Variants in LGSN observed in about 807,000 individuals in gnomAD.
LGSN encodes the protein lengsin.
LGSN carries 21 observed loss-of-function variants against 19.5 expected under a neutral mutation model. The ratio of observed to expected loss-of-function variants is 1.07; its 90% CI spans 0.76 to 1.55. LGSN has a LOEUF of 1.55. Ranked by LOEUF, LGSN falls within the 40% of genes most tolerant of loss-of-function variation. LGSN has a pLI of 0.00. For synonymous variants in LGSN, 257 were observed against 215.6 expected (o/e 1.19, Z -1.68); for missense variants, 673 against 608.5 (o/e 1.11, Z -1.12).
chr6:63,332,213 G>A, the LGSN span, among the ~76,000 whole-genome samples: 9 of 152,216 alleles, frequency 5.9e-5, no homozygotes, highest in South Asian at 1.9e-3. Context: ...GCCTAAAGAA[G>A]GTAACAGAGT....
the LGSN span, among the ~76,000 whole-genome samples, chr6:63,477,236 A>G: frequency 6.6e-6 from 1 of 152,246 alleles, no homozygotes; most frequent in Non-Finnish European, 1.5e-5. Context: ...AAGACAGACA[A>G]TAGATTTTGC....
At chr6:63,569,140 T>C in the LGSN span, among the ~76,000 whole-genome samples, 1 of 152,354 alleles carries the variant, frequency 6.6e-6, no homozygotes, top group South Asian at 2.1e-4. Context: ...ATGGAATCAA[T>C]GTTTACTAGA....
At chr6:63,323,631 A>G (rs1769148673), upstream of LGSN, among the ~76,000 whole-genome samples, 1 of 151,598 alleles carries the variant, frequency 6.6e-6, no homozygotes, top group African/African-American at 2.4e-5. Flanking sequence ...ATATTAGCAT[A>G]TTTAAAAATA....
the LGSN span, among the ~76,000 whole-genome samples, chr6:63,459,433 C>CAA: frequency 1.3e-5 from 2 of 151,960 alleles, no homozygotes; most frequent in Admixed American, 6.6e-5. Flanking sequence ...AATTTTCAAT[C>CAA]TATTCATTAT....
At chr6:63,456,373 A>AC in the LGSN span, among the ~76,000 whole-genome samples, 3 of 42,580 alleles carry the variant, frequency 7.0e-5, no homozygotes, top group Non-Finnish European at 1.3e-4. Context: ...ATATATATAT[A>AC]TATATATATA....
chr6:63,562,043 T>C, the LGSN span, among the ~76,000 whole-genome samples: 83 of 152,298 alleles, frequency 5.4e-4, no homozygotes, highest in Non-Finnish European at 8.2e-4. Flanking sequence ...TAAAAAATTG[T>C]TTATCATCAC....
At chr6:63,430,324 G>C in the LGSN span, among the ~76,000 whole-genome samples, 1 of 151,944 alleles carries the variant, frequency 6.6e-6, no homozygotes, top group East Asian at 1.9e-4. Flanking sequence ...CTGGTCTCTG[G>C]GTGCTTCATT....
chr6:63,434,408 C>A, the LGSN span, among the ~76,000 whole-genome samples: 6 of 141,650 alleles, frequency 4.2e-5, no homozygotes, highest in African/African-American at 1.6e-4. Context: ...CCACTGCACT[C>A]TAGCCTAAGC....
chr6:63,424,211 T>G, the LGSN span, among the ~76,000 whole-genome samples: 1 of 151,956 alleles, frequency 6.6e-6, no homozygotes, highest in African/African-American at 2.4e-5. Context: ...AAATTTGAAA[T>G]CTAGATAAAA....
the LGSN span, among the ~76,000 whole-genome samples, chr6:63,563,581 T>A: frequency 1.3e-5 from 2 of 152,238 alleles, no homozygotes; most frequent in African/African-American, 2.4e-5. Flanking sequence ...TATGCTTATT[T>A]ACTTGTTATT....
At chr6:63,518,449 A>C in the LGSN span, among the ~76,000 whole-genome samples, 2 of 152,224 alleles carry the variant, frequency 1.3e-5, no homozygotes, top group Non-Finnish European at 2.9e-5. Context: ...CAAACAAAGG[A>C]GTAGCAATGG....
the LGSN span, among the ~76,000 whole-genome samples, chr6:63,520,130 C>T: frequency 2.0e-5 from 3 of 152,208 alleles, no homozygotes; most frequent in African/African-American, 7.2e-5. Flanking sequence ...GCATATTACA[C>T]ACTGCTGTTG....
At chr6:63,378,237 A>G in the LGSN span, among the ~76,000 whole-genome samples, 1 of 152,106 alleles carries the variant, frequency 6.6e-6, no homozygotes, top group Non-Finnish European at 1.5e-5. Context: ...AACAATAGAA[A>G]CATCTGGCTT....
the LGSN span, among the ~76,000 whole-genome samples, chr6:63,452,048 T>C: frequency 7.2e-6 from 1 of 138,608 alleles, no homozygotes. Flanking sequence ...AATTTTGTTT[T>C]CTTGTCTTTT....
intron 2 of LGSN, among the ~76,000 whole-genome samples, chr6:63,288,453 G>T (rs187836400): frequency 9.9e-5 from 15 of 150,968 alleles, no homozygotes; most frequent in Non-Finnish European, 1.6e-4. Flanking sequence ...TTCACACAGT[G>T]AAAGGGCTGG....
the LGSN span, among the ~76,000 whole-genome samples, chr6:63,406,928 G>C: frequency 6.6e-6 from 1 of 152,154 alleles, no homozygotes; most frequent in African/African-American, 2.4e-5. Context: ...AGAATATCTA[G>C]AAGAAATGGG....
the LGSN span, among the ~76,000 whole-genome samples, chr6:63,546,808 C>A: frequency 0.54 from 81,444 of 151,934 alleles, 23,535 homozygotes; most frequent in African/African-American, 0.76. Flanking sequence ...TGTTACACAC[C>A]TGAAAATTTT....
At chr6:63,494,836 T>A in the LGSN span, among the ~76,000 whole-genome samples, 1 of 152,222 alleles carries the variant, frequency 6.6e-6, no homozygotes, top group African/African-American at 2.4e-5. Context: ...TAGAGTGTGA[T>A]GACAAATACT....
chr6:63,386,507 C>A, the LGSN span, among the ~76,000 whole-genome samples: 1 of 152,092 alleles, frequency 6.6e-6, no homozygotes, highest in South Asian at 2.1e-4. Context: ...TATTTCCAAT[C>A]TCATTTCCTG....
Sources: gnomAD v4.1 joint callset for allele counts (sites outside exome capture counted in the v4.1 genomes callset) on GRCh38, gnomAD v4.1.1 for gene constraint, MANE v1.5 for transcripts, NCBI Gene and HGNC (gene_info 2026-07-23, HGNC 2026-07-21) for gene names.